Variants in HMSD observed in about 807,000 individuals in gnomAD.
HMSD encodes serpin-like protein HMSD.
In HMSD, 13 loss-of-function variants were observed where a neutral mutation model predicts 10.0. That is an observed-to-expected ratio of 1.31 (90% CI 0.85 to 2.08). The LOEUF (loss-of-function observed/expected upper bound fraction) is 2.08. Among genes scored for constraint, HMSD ranks in the 30% most tolerant of loss-of-function variants. The pLI is 0.00. For missense variants in HMSD, 169 were observed against 166.3 expected, an observed-to-expected ratio of 1.02 and a Z score of -0.09; for synonymous variants, 51 against 54.2, an observed-to-expected ratio of 0.94 and a Z score of 0.26.
chr18:63,957,205 A>G (rs1339514536), intron 3 of HMSD, among the ~76,000 whole-genome samples: 1 of 152,182 alleles, frequency 6.6e-6, no homozygotes, highest in African/African-American at 2.4e-5. Context: ...AAACTTGCTT[A>G]GGTATCCGTG....
At chr18:63,963,075 T>TTCTTTCTTTTCTTTC (rs1568261257), downstream of HMSD, among the ~76,000 whole-genome samples, 5 of 26,822 alleles carry the variant, frequency 1.9e-4, no homozygotes, top group African/African-American at 5.5e-4. Flanking sequence ...TTCTTTCTCT[T>TTCTTTCTTTTCTTTC]TCTTTCTTTC....
At chr18:63,952,806 C>G (rs1275422125) in intron 1 of HMSD, among the ~76,000 whole-genome samples, 1 of 152,154 alleles carries the variant, frequency 6.6e-6, no homozygotes, top group Non-Finnish European at 1.5e-5. Context: ...TTCCACCATC[C>G]CTGTGTTCCT....
chr18:63,965,405 A>G (rs559113732), downstream of HMSD, among the ~76,000 whole-genome samples: 3 of 152,372 alleles, frequency 2.0e-5, no homozygotes, highest in Middle Eastern at 3.4e-3. Context: ...GAAACCAAAG[A>G]GATCTTTCTA....
downstream of HMSD, among the ~76,000 whole-genome samples, chr18:63,964,370 C>T (rs1173223430): frequency 6.6e-6 from 1 of 151,116 alleles, no homozygotes; most frequent in Non-Finnish European, 1.5e-5. Flanking sequence ...AAATACAAAA[C>T]TGAAAACAAA....
At chr18:63,951,825 A>C (rs1413279746) in intron 1 of HMSD, among the ~76,000 whole-genome samples, 2 of 152,140 alleles carry the variant, frequency 1.3e-5, no homozygotes, top group Non-Finnish European at 2.9e-5. Context: ...AAATAGTCAT[A>C]TACACAATTA....
At chr18:63,954,128 C>T (rs377246905) in intron 2 of HMSD, among the ~76,000 whole-genome samples, 3 of 152,078 alleles carry the variant, frequency 2.0e-5, no homozygotes, top group Admixed American at 6.5e-5. Context: ...ACAAGAAATC[C>T]GAGTCATTTT....
At chr18:63,967,385 C>T (rs1179906675) in intron 3 of HMSD, among the ~76,000 whole-genome samples, 4 of 152,176 alleles carry the variant, frequency 2.6e-5, no homozygotes, top group South Asian at 4.1e-4. Context: ...CCGCCCGCCT[C>T]GGCCTCCAAA....
intron 3 of HMSD, 128 bp downstream of exon 3, chr18:63,954,685 T>TG: frequency 1.4e-6 from 1 of 715,066 alleles, no homozygotes. Context: ...CTCACACGCA[T>TG]CTTGTGATTC....
chr18:63,957,016 A>G (rs1003725908), intron 3 of HMSD, among the ~76,000 whole-genome samples: 11 of 152,172 alleles, frequency 7.2e-5, no homozygotes, highest in African/African-American at 2.7e-4. Flanking sequence ...AGTTGGAGGT[A>G]AACATCCAGT....
intron 1 of HMSD, among the ~76,000 whole-genome samples, chr18:63,951,206 C>G (rs2050328596): frequency 6.6e-6 from 1 of 152,100 alleles, no homozygotes; most frequent in African/African-American, 2.4e-5. Flanking sequence ...GTGATTACAT[C>G]TTTAAAACAT....
chr18:63,963,392 G>A (rs1313803880), downstream of HMSD, among the ~76,000 whole-genome samples: 11 of 151,280 alleles, frequency 7.3e-5, no homozygotes, highest in South Asian at 4.2e-4. Flanking sequence ...CCAGCCTCCC[G>A]ACCAATTTTT....
intron 1 of HMSD, among the ~76,000 whole-genome samples, chr18:63,951,664 T>C (rs1386426093): frequency 6.6e-6 from 1 of 152,254 alleles, no homozygotes; most frequent in Non-Finnish European, 1.5e-5. Context: ...GCATCCATTA[T>C]TGATTAATTG....
chr18:63,959,396 T>C (rs1599111543), intron 3 of HMSD, among the ~76,000 whole-genome samples: 1 of 152,332 alleles, frequency 6.6e-6, no homozygotes, highest in Middle Eastern at 3.4e-3. Context: ...TCACTTGAGA[T>C]TTCTTCTGTG....
At chr18:63,956,733 A>C (rs77549432) in intron 3 of HMSD, among the ~76,000 whole-genome samples, 3,926 of 152,292 alleles carry the variant, frequency 0.026, 168 homozygotes, top group African/African-American at 0.085. Context: ...TATTGAGTAC[A>C]TACCTGAAGG....
intron 3 of HMSD, 133 bp from the exon 4 acceptor site, chr18:63,960,025 C>A: frequency 2.1e-6 from 2 of 939,046 alleles, no homozygotes; most frequent in Non-Finnish European, 3.2e-6. Context: ...TAGGTTAATT[C>A]CTCATCTTTA....
At chr18:63,953,910 G>A (rs752611920) in intron 2 of HMSD, among the ~76,000 whole-genome samples, 1 of 152,192 alleles carries the variant, frequency 6.6e-6, no homozygotes, top group Non-Finnish European at 1.5e-5. Flanking sequence ...TACAAGAGAG[G>A]GAAAGTGGAA....
intron 1 of HMSD, among the ~76,000 whole-genome samples, chr18:63,949,783 G>A (rs531514919): frequency 7.9e-5 from 12 of 152,276 alleles, no homozygotes; most frequent in African/African-American, 1.9e-4. Flanking sequence ...GTGAGGCCTG[G>A]GACCTCCAGG....
In HMSD at chr18:63,953,574, A is replaced by C. The variant is rs1009809505; in HGVS notation, c.72+47A>C. The C allele has an allele frequency of 1.6e-5, 23 of 1,456,494 alleles. No individual in the cohort carries two copies. In the Middle Eastern group the frequency reaches 1.0e-3, roughly 66 times the overall value. 90.2% of individuals were successfully genotyped at this position (1,456,494 alleles called of 1,614,324 possible). A position where few individuals can be genotyped will look rare whatever the true frequency, so the allele number is the denominator to read the frequency against. On this transcript the variant is annotated intron_variant, in intron 2 of 3. Coordinates refer to ENST00000408945, the MANE Select transcript of HMSD (RefSeq NM_001123366.2). ...CAACAATAAGTGCTATCAATTTATC[A>C]GTTGAGCTGGACTTCTGCATTTCAA...
chr18:63,958,822 T>A (rs1202938734), intron 3 of HMSD, among the ~76,000 whole-genome samples: 1 of 152,086 alleles, frequency 6.6e-6, no homozygotes, highest in Non-Finnish European at 1.5e-5. Flanking sequence ...CGATGGACAC[T>A]GCTGGTCTAG....
Sources: allele counts gnomAD v4.1 joint callset (sites outside exome capture counted in the v4.1 genomes callset), GRCh38; gene constraint gnomAD v4.1.1; transcripts MANE v1.5; gene names NCBI Gene and HGNC (gene_info 2026-07-23, HGNC 2026-07-21).